The following ZFYVE9 variants were observed in gnomAD, a reference collection of about 807,000 sequenced individuals.
ZFYVE9 encodes the protein zinc finger FYVE domain-containing protein 9.
In ZFYVE9, 43 loss-of-function variants were observed where a neutral mutation model predicts 126.7. The observed-to-expected ratio is 0.34, with a 90% CI of 0.27 to 0.44. ZFYVE9 has a LOEUF of 0.44. Among genes scored for constraint, ZFYVE9 ranks in the 20% least tolerant of loss-of-function variants. The pLI is 1.00. For synonymous variants in ZFYVE9, 521 were observed against 597.4 expected (o/e 0.87, Z 1.87); for missense variants, 1,476 against 1,697.0 (o/e 0.87, Z 2.29).
In ZFYVE9 at chr1:52,238,773, T is replaced by C. The variant is rs1362847990; in HGVS notation, c.1356T>C (p.Thr452=). 1 of 1,613,966 alleles carries C rather than the reference T, an allele frequency of 6.2e-7. No homozygotes were observed. Among genetic ancestry groups the C allele is most frequent in the Non-Finnish European group, 8.5e-7 (1 of 1,179,974 alleles). ...ATGCAGGTCTAGATTTAAAAGGAAC[T>C]TGCATTAGTGAAAGTGAAGAATGTG... is the stretch of plus-strand genomic sequence containing the variant. ...LADAGLDLKG[T]CISESEECDF... Residue 452 remains threonine (T), a synonymous_variant, in exon 4 of 19, where the codon ACT becomes ACC. Coordinates refer to ENST00000287727, the MANE Select transcript of ZFYVE9 (RefSeq NM_004799.4).
chr1:52,281,872 A>G, intron 10 of ZFYVE9, 56 bp downstream of exon 10: 6 of 1,593,560 alleles, frequency 3.8e-6, no homozygotes, highest in Non-Finnish European at 5.1e-6. Flanking sequence ...AAAAATTTTG[A>G]ATTCAAATAC....
At chr1:52,250,705 TC>T (rs1248988970) in intron 4 of ZFYVE9, among the ~76,000 whole-genome samples, 8 of 152,078 alleles carry the variant, frequency 5.3e-5, no homozygotes, top group Non-Finnish European at 1.2e-4. Flanking sequence ...AAGCAAAAGT[TC>T]TTTCAGTCTT....
intron 4 of ZFYVE9, among the ~76,000 whole-genome samples, chr1:52,253,035 A>G (rs1042259057): frequency 6.6e-6 from 1 of 152,194 alleles, no homozygotes; most frequent in Non-Finnish European, 1.5e-5. Flanking sequence ...GCATGGTGGC[A>G]TGTGCCTGTA....
At chr1:52,210,949 CT>C (rs1645023213) in intron 1 of ZFYVE9, among the ~76,000 whole-genome samples, 2 of 152,194 alleles carry the variant, frequency 1.3e-5, no homozygotes, top group Non-Finnish European at 2.9e-5. Flanking sequence ...GCCACCGCCC[CT>C]GGCCAGGTAT....
At chr1:52,341,713 T>A (rs904006227) in intron 17 of ZFYVE9, among the ~76,000 whole-genome samples, 3 of 152,222 alleles carry the variant, frequency 2.0e-5, no homozygotes, top group African/African-American at 7.2e-5. Context: ...GTTAAATCTC[T>A]TACTCAAATT....
At position 52,252,672 on chromosome 1, in the gene ZFYVE9, A is replaced by G. The variant is rs971564986; in HGVS notation, c.2179-11101A>G. The G allele has an allele frequency of 1.7e-5, 6 of 353,152 alleles. No individual in the cohort carries two copies. In the East Asian group the frequency reaches 5.4e-4, roughly 32 times the overall value. The allele number at this position is 353,152 out of a possible 1,614,324, so 21.9% of individuals were successfully genotyped here. On this transcript the variant is annotated intron_variant, in intron 4 of 18. Coordinates refer to ENST00000287727, the MANE Select transcript of ZFYVE9 (RefSeq NM_004799.4). ...CACGCCTGGCCGAAAAATTTGTTTT[A>G]CTTGAGGTTCCACATGCCTTATATA...
At chr1:52,248,013 G>T (rs1645408167) in intron 4 of ZFYVE9, among the ~76,000 whole-genome samples, 1 of 151,804 alleles carries the variant, frequency 6.6e-6, no homozygotes, top group South Asian at 2.1e-4. Context: ...GAGATATATA[G>T]ATATATATAT....
chr1:52,247,880 T>A (rs928984277), intron 4 of ZFYVE9, among the ~76,000 whole-genome samples: 1 of 152,190 alleles, frequency 6.6e-6, no homozygotes. Context: ...TCTGTTTGTA[T>A]GAATTTCACT....
chr1:52,169,710 AACC>A (rs1335260814), intron 1 of ZFYVE9, among the ~76,000 whole-genome samples: 3 of 152,198 alleles, frequency 2.0e-5, no homozygotes. Flanking sequence ...GGAACACAGT[AACC>A]AGGTGCTCAA....
chr1:52,164,649 C>T (rs887678492), intron 1 of ZFYVE9, among the ~76,000 whole-genome samples: 10 of 151,678 alleles, frequency 6.6e-5, no homozygotes, highest in Admixed American at 3.9e-4. Context: ...TCCGTCCATC[C>T]GTCCATCCAT....
intron 5 of ZFYVE9, among the ~76,000 whole-genome samples, chr1:52,265,049 C>T (rs999724149): frequency 6.6e-6 from 1 of 152,134 alleles, no homozygotes; most frequent in Non-Finnish European, 1.5e-5. Context: ...GATCTTCCAA[C>T]TTGATAGCTA....
At chr1:52,188,310 C>CACTG (rs2124551476) in intron 1 of ZFYVE9, among the ~76,000 whole-genome samples, 1 of 152,222 alleles carries the variant, frequency 6.6e-6, no homozygotes, top group Admixed American at 6.5e-5. Flanking sequence ...GAACAACGGA[C>CACTG]ACTGGGTCCT....
At chr1:52,293,413 T>C (rs771389292) in intron 10 of ZFYVE9, 40 bp from the exon 11 acceptor site, 1 of 1,425,862 alleles carries the variant, frequency 7.0e-7, no homozygotes, top group South Asian at 1.3e-5. Flanking sequence ...TATGATTAAT[T>C]TATTGATACA....
chr1:52,346,357 G>A lies in ZFYVE9; in HGVS notation c.*136G>A, dbSNP rs1646483860. Reference sequence around the variant, plus strand: ...GGTGGGGAATAGGGTGGGAGTGGGGGTTTGGGAGACGGGTGGGAAAGGGTG... The same window carrying A: ...GGTGGGGAATAGGGTGGGAGTGGGGATTTGGGAGACGGGTGGGAAAGGGTG... On this transcript the variant is annotated 3_prime_UTR_variant, in exon 19 of 19. Transcript: ENST00000287727. The A allele has an allele frequency of 6.6e-6, 3 of 457,284 alleles. No homozygotes were observed. The highest frequency in any genetic ancestry group is 2.0e-5 in the African/African-American group (1 of 49,104). The allele number at this position is 457,284 out of a possible 1,614,324, so 28.3% of individuals were successfully genotyped here.
In ZFYVE9 at chr1:52,346,277, A is replaced by C; in HGVS notation, c.*56A>C. The C allele has an allele frequency of 6.8e-7, 1 of 1,460,970 alleles. No individual in the cohort carries two copies. The highest frequency in any genetic ancestry group is 1.9e-4 in the Middle Eastern group (1 of 5,398). The allele number at this position is 1,460,970 out of a possible 1,614,324, so 90.5% of individuals were successfully genotyped here. A position where few individuals can be genotyped will look rare whatever the true frequency, so the allele number is the denominator to read the frequency against. ...ACTTGTTGCAACAGCAGTCATACCC[A>C]AATCATTTGCACTTTAAAACTGGAA... is the stretch of plus-strand genomic sequence containing the variant. On this transcript the variant is annotated 3_prime_UTR_variant, in exon 19 of 19. Coordinates refer to ENST00000287727, the MANE Select transcript of ZFYVE9 (RefSeq NM_004799.4).
intron 12 of ZFYVE9, among the ~76,000 whole-genome samples, chr1:52,298,773 T>C (rs1646002289): frequency 6.6e-6 from 1 of 151,584 alleles, no homozygotes; most frequent in East Asian, 2.0e-4. Flanking sequence ...ATTCTTCCAA[T>C]CCATGAACAT....
intron 13 of ZFYVE9, among the ~76,000 whole-genome samples, chr1:52,308,569 T>C (rs1012779806): frequency 6.7e-6 from 1 of 149,632 alleles, no homozygotes; most frequent in Non-Finnish European, 1.5e-5. Flanking sequence ...GTCTTTCTTA[T>C]TATTGCCCAT....
At chr1:52,217,856 G>A (rs1309737591) in intron 2 of ZFYVE9, among the ~76,000 whole-genome samples, 1 of 151,980 alleles carries the variant, frequency 6.6e-6, no homozygotes, top group East Asian at 1.9e-4. Context: ...TGCCTTTTTT[G>A]GCCAACACCA....
chr1:52,250,790 T>C (rs1027684624), intron 4 of ZFYVE9, among the ~76,000 whole-genome samples: 13 of 150,822 alleles, frequency 8.6e-5, no homozygotes, highest in African/African-American at 3.2e-4. Context: ...GCTCACCGCA[T>C]CCTCAACCTC....
Sources: gnomAD v4.1 joint callset for allele counts (sites outside exome capture counted in the v4.1 genomes callset) on GRCh38, gnomAD v4.1.1 for gene constraint, MANE v1.5 for transcripts, NCBI Gene and HGNC (gene_info 2026-07-23, HGNC 2026-07-21) for gene names.